The following HERC2 variants were observed in gnomAD, a reference collection of about 807,000 sequenced individuals.
HERC2 encodes HECT and RLD domain containing E3 ubiquitin protein ligase 2.
A neutral mutation model predicts 537.7 loss-of-function variants in HERC2; 102 were observed. The observed-to-expected ratio is 0.19, with a 90% CI of 0.16 to 0.22. The LOEUF (loss-of-function observed/expected upper bound fraction) is 0.22, where lower values mean the gene tolerates loss of function less well. HERC2 is among the 10% of genes least tolerant of loss of function. The probability of loss-of-function intolerance (pLI) is 1.00; values close to 1 mark genes in which losing one functional copy is unlikely to be tolerated. For missense variants in HERC2, 4,236 were observed against 6,198.2 expected, an observed-to-expected ratio of 0.68 and a Z score of 10.63; for synonymous variants, 2,224 against 2,466.2, an observed-to-expected ratio of 0.90 and a Z score of 2.91.
In HERC2 at chr15:28,113,119, C is replaced by T; in HGVS notation, c.14184G>A (p.Arg4728=). ...GGAAGTCGGCGATGGTCCTGGGCAG[C>T]CTCGTCCGGCCCCAGACGAAGCGAA... The part of the protein sequence containing the change: ...LFLRFVWGRT[R]LPRTIADFRG... The change falls in exon 92 of 93, where the codon AGG becomes AGA. Residue 4728 remains arginine (R), a synonymous_variant. Transcript: ENST00000261609. The surrounding 1 kb of genome is among the most constrained non-coding windows in gnomAD (Gnocchi z 7.0). 2 of 1,613,892 alleles carry T rather than the reference C, an allele frequency of 1.2e-6. No individual in the cohort carries two copies. Among genetic ancestry groups the T allele is most frequent in the Non-Finnish European group, 8.5e-7 (1 of 1,180,038 alleles).
rs762130524 is a variant in HERC2 at position 28,116,978 on chromosome 15, G to A, written c.13414+35C>T. 8 of 1,613,536 alleles carry A rather than the reference G, an allele frequency of 5.0e-6. No homozygotes were observed. The South Asian group carries it at 7.7e-5, about 16-fold the overall frequency. On this transcript the variant is annotated intron_variant, in intron 87 of 92. Transcript: ENST00000261609. ...TGTGGGCTCAGGCGACCACTGCCGG[G>A]GACACAGGTGCTCCAGCACGTGGCA... is the stretch of plus-strand genomic sequence containing the variant.
intron 79 of HERC2, among the ~76,000 whole-genome samples, chr15:28,134,569 G>A (rs1167914694): frequency 6.6e-6 from 1 of 152,198 alleles, no homozygotes. Flanking sequence ...TTGGTCTGTT[G>A]CCATTAACTA....
intron 23 of HERC2, among the ~76,000 whole-genome samples, chr15:28,245,382 A>C (rs1432713693): frequency 6.6e-6 from 1 of 152,090 alleles, no homozygotes; most frequent in African/African-American, 2.4e-5. Context: ...CCCCATCTCT[A>C]CTAAAAATAC....
intron 44 of HERC2, among the ~76,000 whole-genome samples, chr15:28,210,529 T>C (rs1389227977): frequency 4.6e-5 from 7 of 152,190 alleles, no homozygotes; most frequent in Non-Finnish European, 8.8e-5. Flanking sequence ...CATACATCTA[T>C]GCATGTCAAA....
Position 28,113,426 on chromosome 15 carries a change from C to T in HERC2, c.14020-143G>A. Reference sequence around the variant, plus strand: ...CTCTGGGTGGGCCCACACACAGCCTCCTGCAGGCGGGTGGAGGGACGCGCT... The same window carrying T: ...CTCTGGGTGGGCCCACACACAGCCTTCTGCAGGCGGGTGGAGGGACGCGCT... On this transcript the variant is annotated intron_variant, in intron 91 of 92. Transcript: ENST00000261609. The surrounding 1 kb of genome is among the most constrained non-coding windows in gnomAD (Gnocchi z 7.0). 9.2e-7 allele frequency: 1 copy of T among 1,092,732 alleles called. No individual in the cohort carries two copies. Among genetic ancestry groups the T allele is most frequent in the Non-Finnish European group, 1.4e-6 (1 of 738,752 alleles). The allele number at this position is 1,092,732 out of a possible 1,614,324, so 67.7% of individuals were successfully genotyped here. A position where few individuals can be genotyped will look rare whatever the true frequency, so the allele number is the denominator to read the frequency against.
chr15:28,315,822 C>T lies in HERC2; in HGVS notation c.72+5540G>A, dbSNP rs2077067075. On this transcript the variant is annotated intron_variant, in intron 2 of 92. Coordinates refer to ENST00000261609, the MANE Select transcript of HERC2 (RefSeq NM_004667.6). ...CCACAGGAGCAGAAACATGGAATGC[C>T]AGACGCTGGGGATGCTGGTACAAGT... 5.8e-6 allele frequency: 5 copies of T among 856,782 alleles called. No individual in the cohort carries two copies. The South Asian group carries it at 6.9e-5, about 12-fold the overall frequency. 53.1% of individuals were successfully genotyped at this position (856,782 alleles called of 1,614,324 possible).
At chr15:28,194,717 A>G (rs918401746) in intron 52 of HERC2, among the ~76,000 whole-genome samples, 1 of 152,218 alleles carries the variant, frequency 6.6e-6, no homozygotes, top group African/African-American at 2.4e-5. Context: ...GTGTGCATAA[A>G]AGAATGTCTT....
rs1188883134 is a variant in HERC2 at position 28,198,497 on chromosome 15, G to C, written c.7892C>G (p.Pro2631Arg). The C allele has an allele frequency of 1.9e-6, 3 of 1,613,864 alleles. No homozygotes were observed. The African/African-American group carries it at 4.0e-5, about 22-fold the overall frequency. ...RYIHVELIGY[P>R]PPSSSSHIKI... The stretch of plus-strand genomic sequence containing the variant: ...GATGTGAGAAGAAGAACTTGGTGGA[G>C]GATAGCCTACAGATGTCAATAACAA... Residue 2631 changes from proline (P) to arginine (R), a missense_variant, in exon 50 of 93, where the codon CCT becomes CGT. This residue lies in a region of HERC2 where 606 missense variants were observed against 884.5 expected (regional missense o/e 0.69). Coordinates refer to ENST00000261609, the MANE Select transcript of HERC2 (RefSeq NM_004667.6).
chr15:28,174,356 C>T (rs1895026062), intron 65 of HERC2, 39 bp downstream of exon 65: 5 of 1,491,302 alleles, frequency 3.4e-6, no homozygotes, highest in African/African-American at 1.4e-5. Flanking sequence ...TGCTGTAAAC[C>T]TACAGAAAAA....
chr15:28,142,423 G>C (rs759993755), intron 75 of HERC2, 30 bp from the exon 76 acceptor site: 2 of 1,603,556 alleles, frequency 1.2e-6, no homozygotes, highest in South Asian at 2.2e-5. Flanking sequence ...CAAACTCAGG[G>C]AAACTCAGAA....
At position 28,268,588 on chromosome 15, in the gene HERC2, G is replaced by A. The variant is rs1169206608; in HGVS notation, c.1475C>T (p.Ser492Phe). The change falls in exon 12 of 93, where the codon TCC becomes TTC. Residue 492 changes from serine (S) to phenylalanine (F), a missense_variant. Physicochemically the swap from Ser to Phe is radical, Grantham distance 155 (BLOSUM62 -2). Around this residue, in one of 27 missense-constraint regions of HERC2, gnomAD observed 754 missense variants for 1,085.0 expected, o/e 0.69. Coordinates refer to ENST00000261609, the MANE Select transcript of HERC2 (RefSeq NM_004667.6). This position sits in a 1 kb window ranked among gnomAD's most constrained non-coding sequence, Gnocchi z 4.7. ...LAPQLVQGLASRNIVKIAAHS... is the reference protein window; with the variant it reads ...LAPQLVQGLAFRNIVKIAAHS... ...GGCAGCAATTTTTACAATGTTTCTGGAGGCAAGGCCTTGGACCAGCTGTGG... is the reference window on the plus strand; with the variant it reads ...GGCAGCAATTTTTACAATGTTTCTGAAGGCAAGGCCTTGGACCAGCTGTGG... 6.2e-7 allele frequency: 1 copy of A among 1,614,156 alleles called. No homozygotes were observed. Among genetic ancestry groups the A allele is most frequent in the Admixed American group, 1.7e-5 (1 of 60,012 alleles).
intron 4 of HERC2, 141 bp downstream of exon 4, chr15:28,292,747 T>C (rs1332775976): frequency 3.6e-6 from 3 of 823,308 alleles, no homozygotes; most frequent in Non-Finnish European, 5.8e-6. Flanking sequence ...TTTTATGGTA[T>C]GTATATTTTA....
rs57189560 is a variant in HERC2 at position 28,248,542 on chromosome 15, A to T, written c.3235+10T>A. 22,540 of 1,607,846 alleles carry T rather than the reference A, an allele frequency of 0.014. 2,849 individuals are homozygous for T. The African/African-American group carries it at 0.27, about 19-fold the overall frequency. On this transcript the variant is annotated intron_variant, in intron 21 of 92. Transcript: ENST00000261609. ...ACATACAAGACACTTTCACATTTTA[A>T]GCAACTTACTAGAAATATCTGAGGT...
chr15:28,165,294 A>C (rs1393923500), intron 68 of HERC2, among the ~76,000 whole-genome samples: 1 of 152,358 alleles, frequency 6.6e-6, no homozygotes, highest in South Asian at 2.1e-4. Flanking sequence ...AGTGGGGGAC[A>C]GCCAAGATCG....
chr15:28,283,152 C>A (rs971158299), intron 4 of HERC2, among the ~76,000 whole-genome samples: 2 of 150,550 alleles, frequency 1.3e-5, no homozygotes, highest in Admixed American at 1.3e-4. Flanking sequence ...CTGTACTCTA[C>A]GAAGTGATGG....
In HERC2 at chr15:28,175,897, G is replaced by A. The variant is rs534860478; in HGVS notation, c.9687-241C>T. On this transcript the variant is annotated intron_variant, in intron 63 of 92. Transcript: ENST00000261609. ...TATGATATTTAAGTTACTGTTGTAG[G>A]TTTTCATATAAAGAGACTGAAAATA... Among the ~76,000 whole-genome samples, 3 of 152,220 alleles carry A rather than the reference G, an allele frequency of 2.0e-5. No homozygotes were observed. The South Asian group carries it at 6.2e-4, about 32-fold the overall frequency.
rs1036389421 is a variant in HERC2, at chr15:28,132,938, A to G, written c.12231-108T>C. 1.8e-5 allele frequency: 17 copies of G among 923,376 alleles called. No homozygotes were observed. In the African/African-American group the frequency reaches 2.4e-4, roughly 13 times the overall value. The allele number at this position is 923,376 out of a possible 1,614,324, so 57.2% of individuals were successfully genotyped here. On this transcript the variant is annotated intron_variant, in intron 79 of 92. Coordinates refer to ENST00000261609, the MANE Select transcript of HERC2 (RefSeq NM_004667.6). ...ACCTTCCTAATCAGTTAATTGTTAA[A>G]TCAATCAAGAAGAATCATTCAGACC...
chr15:28,275,040 A>G (rs2075835302), intron 5 of HERC2, 35 bp from the exon 6 acceptor site: 2 of 1,383,320 alleles, frequency 1.4e-6, no homozygotes, highest in Non-Finnish European at 1.0e-6. Context: ...ACAACCAGTC[A>G]GCAGCAGAGG....
At chr15:28,146,748 A>G (rs1891785051) in intron 70 of HERC2, among the ~76,000 whole-genome samples, 1 of 148,646 alleles carries the variant, frequency 6.7e-6, no homozygotes, top group African/African-American at 2.5e-5. Flanking sequence ...GAGCACCTCA[A>G]CTTCTGGCGT....
Sources: allele counts gnomAD v4.1 joint callset (sites outside exome capture counted in the v4.1 genomes callset), GRCh38; gene constraint gnomAD v4.1.1; regional missense constraint gnomAD v4.1.1; non-coding constraint Gnocchi (gnomAD v3.1); transcripts MANE v1.5; gene names NCBI Gene and HGNC (gene_info 2026-07-23, HGNC 2026-07-21).